Variants in SEL1L2 observed in about 807,000 individuals in gnomAD.
The protein encoded by SEL1L2 is protein sel-1 homolog 2.
SEL1L2 carries 89 observed loss-of-function variants against 98.8 expected under a neutral mutation model. The observed-to-expected ratio is 0.90, with a 90% CI of 0.76 to 1.07. The LOEUF (loss-of-function observed/expected upper bound fraction) is 1.07, where lower values mean the gene tolerates loss of function less well. Ranked by LOEUF, SEL1L2 falls within the 50% of genes least tolerant of loss-of-function variation. The pLI is 0.00. For synonymous variants in SEL1L2, 262 were observed against 278.5 expected, an observed-to-expected ratio of 0.94 and a Z score of 0.59; for missense variants, 788 against 812.0, an observed-to-expected ratio of 0.97 and a Z score of 0.36.
At position 13,888,978 on chromosome 20, in the gene SEL1L2, G is replaced by A. The variant is rs548903438; in HGVS notation, c.550-466C>T. Among the ~76,000 whole-genome samples, 7 of 139,210 alleles carry A rather than the reference G, an allele frequency of 5.0e-5. No homozygotes were observed. In the South Asian group the frequency reaches 1.4e-3, roughly 27 times the overall value. The allele number at this position is 139,210 out of a possible 152,430, so 91.3% of individuals were successfully genotyped here. A position where few individuals can be genotyped will look rare whatever the true frequency, so the allele number is the denominator to read the frequency against. On this transcript the variant is annotated intron_variant, in intron 5 of 19. Coordinates refer to ENST00000284951, the MANE Select transcript of SEL1L2 (RefSeq NM_025229.2). ...TTTCTTTTCTTTTTTTTTTTTTTGA[G>A]ACGAAATTTCAGTCTTGTTGCCCAG...
intron 5 of SEL1L2, among the ~76,000 whole-genome samples, chr20:13,891,384 C>G (rs1239807292): frequency 6.6e-6 from 1 of 152,050 alleles, no homozygotes; most frequent in Admixed American, 6.6e-5. Context: ...AAAAAGCTGT[C>G]CAGGCCAGGC....
At chr20:13,877,632 T>C in intron 10 of SEL1L2, 44 bp from the exon 11 acceptor site, 1 of 1,495,480 alleles carries the variant, frequency 6.7e-7, no homozygotes, top group Non-Finnish European at 9.3e-7. Flanking sequence ...ACAAAATAAA[T>C]CCTTCAAAAT....
intron 5 of SEL1L2, among the ~76,000 whole-genome samples, chr20:13,892,155 TATAAG>T (rs2047231421): frequency 6.6e-6 from 1 of 152,140 alleles, no homozygotes; most frequent in South Asian, 2.1e-4. Flanking sequence ...TATAGATTGT[TATAAG>T]ATATTTTAGC....
rs192865162 is a variant in SEL1L2 at position 13,850,276 on chromosome 20, G to A, written c.1862C>T (p.Thr621Met). The A allele has an allele frequency of 1.7e-4, 269 of 1,614,060 alleles. 2 individuals are homozygous for A. In the Admixed American group the frequency reaches 2.5e-3, roughly 15 times the overall value. ...CACAGGTATGTGGGCATCTGGACTC[G>A]TTTGAGCAGCCATGTCGTACAATCT... Reference protein sequence around the residue: ...ARRLYDMAAQTSPDAHIPVLF... With the variant: ...ARRLYDMAAQMSPDAHIPVLF... The change falls in exon 19 of 20, where the codon ACG (threonine) becomes ATG (methionine). Residue 621 changes from threonine (T) to methionine (M), a missense_variant. Transcript: ENST00000284951.
chr20:13,921,688 T>A (rs2048674606), intron 3 of SEL1L2, among the ~76,000 whole-genome samples: 1 of 152,206 alleles, frequency 6.6e-6, no homozygotes, highest in East Asian at 1.9e-4. Context: ...TGTAACAACT[T>A]GCAATAAATT....
chr20:13,994,498 A>T (rs796764403), upstream of SEL1L2, among the ~76,000 whole-genome samples: 2 of 152,180 alleles, frequency 1.3e-5, no homozygotes, highest in African/African-American at 2.4e-5. Context: ...TATAACAAGT[A>T]CCCAAACTGC....
intron 15 of SEL1L2, 87 bp downstream of exon 15, chr20:13,866,615 C>A (rs1408699662): frequency 1.1e-5 from 12 of 1,099,480 alleles, no homozygotes; most frequent in Non-Finnish European, 1.3e-5. Flanking sequence ...TTTATAAAAT[C>A]AAAGACACCA....
intron 1 of SEL1L2, among the ~76,000 whole-genome samples, chr20:13,977,398 G>A (rs999243171): frequency 2.0e-5 from 3 of 152,346 alleles, no homozygotes; most frequent in Non-Finnish European, 1.5e-5. Flanking sequence ...ATGGTGCACA[G>A]AAGTTAGCAG....
At chr20:13,882,054 T>C (rs1028409070) in intron 10 of SEL1L2, among the ~76,000 whole-genome samples, 3 of 152,290 alleles carry the variant, frequency 2.0e-5, no homozygotes, top group Admixed American at 6.5e-5. Flanking sequence ...GAATATATTA[T>C]GTAATGATCA....
intron 4 of SEL1L2, among the ~76,000 whole-genome samples, chr20:13,917,965 A>G (rs546146814): frequency 1.8e-4 from 27 of 151,274 alleles, no homozygotes; most frequent in African/African-American, 6.1e-4. Context: ...ATGTCTGGCT[A>G]ATTTTTGTAG....
At chr20:13,941,484 C>T (rs2049774176) in intron 2 of SEL1L2, among the ~76,000 whole-genome samples, 1 of 152,130 alleles carries the variant, frequency 6.6e-6, no homozygotes, top group African/African-American at 2.4e-5. Flanking sequence ...TGATGAGTGG[C>T]ACAGTTACAG....
At chr20:13,907,738 C>CTTTCTTTCTT (rs2048015007) in intron 5 of SEL1L2, among the ~76,000 whole-genome samples, 42 of 104,196 alleles carry the variant, frequency 4.0e-4, no homozygotes, top group Non-Finnish European at 5.9e-4. Context: ...TTCTTTCTTT[C>CTTTCTTTCTT]TTTCTTTCTT....
chr20:13,887,288 T>G (rs530405553), intron 8 of SEL1L2, among the ~76,000 whole-genome samples: 9 of 152,332 alleles, frequency 5.9e-5, no homozygotes, highest in African/African-American at 2.2e-4. Flanking sequence ...TCTCAGATCC[T>G]AATAATGCCA....
intron 1 of SEL1L2, among the ~76,000 whole-genome samples, chr20:13,971,416 CTTTTGTTTTGTTTTG>C (rs112406432): frequency 6.6e-6 from 1 of 151,620 alleles, no homozygotes; most frequent in Non-Finnish European, 1.5e-5. Flanking sequence ...TTACAATGTA[CTTTTGTTTTGTTTTG>C]TTTTGTTTTG....
intron 1 of SEL1L2, among the ~76,000 whole-genome samples, chr20:13,970,182 T>TA (rs1482919865): frequency 6.6e-6 from 1 of 152,194 alleles, no homozygotes; most frequent in East Asian, 1.9e-4. Flanking sequence ...ATAGAAAACT[T>TA]AGAGTCAAAG....
intron 3 of SEL1L2, among the ~76,000 whole-genome samples, 166 bp from the exon 4 acceptor site, chr20:13,919,289 G>A (rs1480226309): frequency 3.3e-5 from 5 of 152,326 alleles, no homozygotes; most frequent in Admixed American, 6.5e-5. Context: ...GCTGAGGAGC[G>A]TCGGTAGGTC....
intron 1 of SEL1L2, among the ~76,000 whole-genome samples, chr20:13,982,547 G>T (rs1336328644): frequency 1.4e-5 from 2 of 140,198 alleles, no homozygotes; most frequent in Non-Finnish European, 3.1e-5. Flanking sequence ...CGAGACAGTA[G>T]CAAGTTCTAT....
chr20:13,898,499 C>T (rs551817967), intron 5 of SEL1L2, among the ~76,000 whole-genome samples: 1 of 152,314 alleles, frequency 6.6e-6, no homozygotes, highest in East Asian at 1.9e-4. Context: ...ACCTTCTACT[C>T]TCTTACCCCA....
rs1391706433 is a variant in SEL1L2, at chr20:13,877,588, T to C, written c.958A>G (p.Lys320Glu). The change falls in exon 11 of 20, where the codon AAA becomes GAA. Residue 320 changes from lysine (K) to glutamate (E), a missense_variant and splice_region_variant. Lys to Glu is a moderately conservative substitution (Grantham distance 56, BLOSUM62 1). Transcript: ENST00000284951. The part of the protein sequence containing the change: ...GRKGLDQDYY[K>E]ALHYFLKAAK... ...GCCTTTAAGAAGTAGTGTAATGCTT[T>C]CTGGAGAGAAAAGGAACAGTGTTAT... 2 of 1,612,056 alleles carry C rather than the reference T, an allele frequency of 1.2e-6. No homozygotes were observed. Among genetic ancestry groups the C allele is most frequent in the Non-Finnish European group, 1.7e-6 (2 of 1,178,482 alleles).
Sources: gnomAD v4.1 joint callset for allele counts (sites outside exome capture counted in the v4.1 genomes callset) on GRCh38, gnomAD v4.1.1 for gene constraint, MANE v1.5 for transcripts, NCBI Gene and HGNC (gene_info 2026-07-23, HGNC 2026-07-21) for gene names.